DPF3: variants seen among roughly 807,000 people sequenced by gnomAD.
DPF3 encodes the protein zinc finger protein DPF3.
In DPF3, 18 loss-of-function variants were observed where a neutral mutation model predicts 56.8. That is an observed-to-expected ratio of 0.32 (90% CI 0.22 to 0.47). The LOEUF (loss-of-function observed/expected upper bound fraction) is 0.47. Ranked by LOEUF, DPF3 falls within the 20% of genes least tolerant of loss-of-function variation. The pLI, the probability that DPF3 is intolerant of heterozygous loss-of-function variation, is 1.00. For synonymous variants in DPF3, 188 were observed against 180.2 expected (o/e 1.04, Z -0.35); for missense variants, 403 against 488.8 (o/e 0.82, Z 1.65).
intron 6 of DPF3, among the ~76,000 whole-genome samples, chr14:72,694,212 C>T (rs1383409129): frequency 1.3e-5 from 2 of 152,192 alleles, no homozygotes; most frequent in Non-Finnish European, 2.9e-5. Context: ...CCTAGGGGGA[C>T]GGCATTGCTG....
rs1161492094 is a variant in DPF3, at chr14:72,893,010, AGGAAGGAAGGAAGGAT to A, written c.32+1031_32+1046del. Among the ~76,000 whole-genome samples, 304 of 115,460 alleles carry A rather than the reference AGGAAGGAAGGAAGGAT, an allele frequency of 2.6e-3. 6 individuals carry two copies. The highest frequency in any genetic ancestry group is 4.5e-3 in the Non-Finnish European group (239 of 53,402). 75.7% of individuals were successfully genotyped at this position (115,460 alleles called of 152,430 possible). A position where few individuals can be genotyped will look rare whatever the true frequency, so the allele number is the denominator to read the frequency against. On this transcript the variant is annotated intron_variant, in intron 1 of 10. Transcript: ENST00000556509. ...AAGGAAGGAAGGAAGGAAGGAAGGA[AGGAAGGAAGGAAGGAT>A]GAAAAGGAGGAGGAAGGCAGGCAGG...
At position 72,789,606 on chromosome 14, in the gene DPF3, T is replaced by C. The variant is rs562724472; in HGVS notation, c.33-17713A>G. Among the ~76,000 whole-genome samples the C allele has an allele frequency of 2.0e-5, 3 of 152,330 alleles. No homozygotes were observed. In the South Asian group the frequency reaches 6.2e-4, roughly 32 times the overall value. On this transcript the variant is annotated intron_variant, in intron 1 of 10. Coordinates refer to ENST00000556509, the MANE Select transcript of DPF3 (RefSeq NM_001280542.3). ...TCAGGAGTGCAGTGGCATGGCTCAC[T>C]GCAGCCTCGATCTTCAGAGCTCAAG...
intron 1 of DPF3, among the ~76,000 whole-genome samples, chr14:72,890,819 T>C (rs1886722406): frequency 6.6e-6 from 1 of 152,174 alleles, no homozygotes; most frequent in Admixed American, 6.5e-5. Flanking sequence ...CCGTGTCCCC[T>C]TTGTGATCTG....
chr14:72,809,019 A>G (rs1019582875), intron 1 of DPF3, among the ~76,000 whole-genome samples: 6 of 152,192 alleles, frequency 3.9e-5, no homozygotes, highest in Non-Finnish European at 7.3e-5. Flanking sequence ...TCATACTCTC[A>G]TAAGACTGGA....
intron 1 of DPF3, among the ~76,000 whole-genome samples, chr14:72,781,150 A>C (rs1411585434): frequency 6.6e-6 from 1 of 152,232 alleles, no homozygotes; most frequent in Non-Finnish European, 1.5e-5. Context: ...CAGTTAGCAG[A>C]CTTTGTTTCA....
intron 5 of DPF3, among the ~76,000 whole-genome samples, chr14:72,720,228 C>A (rs1298516941): frequency 2.6e-5 from 4 of 152,098 alleles, no homozygotes; most frequent in South Asian, 2.1e-4. Context: ...TATGGTGGCT[C>A]ATGCCTGTAA....
At chr14:72,686,727 G>A (rs2153572238) in intron 7 of DPF3, among the ~76,000 whole-genome samples, 2 of 152,358 alleles carry the variant, frequency 1.3e-5, no homozygotes, top group South Asian at 2.1e-4. Flanking sequence ...TGAGAAGGAA[G>A]AAGCAGCCCA....
intron 1 of DPF3, among the ~76,000 whole-genome samples, chr14:72,885,310 T>C (rs1248959173): frequency 6.6e-6 from 1 of 151,962 alleles, no homozygotes; most frequent in African/African-American, 2.4e-5. Flanking sequence ...TTTTTGTTTG[T>C]TTAGTTTATA....
intron 1 of DPF3, among the ~76,000 whole-genome samples, chr14:72,783,536 G>A (rs890307358): frequency 6.6e-6 from 1 of 152,164 alleles, no homozygotes; most frequent in East Asian, 1.9e-4. Flanking sequence ...CCTGATTCCT[G>A]GCCCTTTCTG....
intron 8 of DPF3, among the ~76,000 whole-genome samples, chr14:72,666,285 C>A (rs950459398): frequency 2.0e-5 from 3 of 152,234 alleles, no homozygotes; most frequent in African/African-American, 7.2e-5. Flanking sequence ...AGGACTTAGA[C>A]ATTGCTACTT....
intron 1 of DPF3, among the ~76,000 whole-genome samples, chr14:72,804,229 A>ACG (rs1893001656): frequency 6.6e-6 from 1 of 150,834 alleles, no homozygotes; most frequent in South Asian, 2.1e-4. Flanking sequence ...ACACACGCAG[A>ACG]CAAAGATTCC....
intron 6 of DPF3, among the ~76,000 whole-genome samples, chr14:72,712,752 A>G (rs1288580381): frequency 1.3e-5 from 2 of 152,292 alleles, no homozygotes; most frequent in East Asian, 3.9e-4. Context: ...CTGTAGTCCT[A>G]GCTACTGCGT....
intron 8 of DPF3, among the ~76,000 whole-genome samples, chr14:72,672,286 C>G (rs1886723163): frequency 6.6e-6 from 1 of 152,150 alleles, no homozygotes; most frequent in Non-Finnish European, 1.5e-5. Flanking sequence ...AATGATACAT[C>G]CCTCATGGTG....
rs61994458 is a variant in DPF3, at chr14:72,717,613, C to T, written c.526-3112G>A. 5.1e-3 allele frequency among the ~76,000 whole-genome samples: 784 copies of T among 152,324 alleles called. 2 individuals are homozygous for T. The highest frequency in any genetic ancestry group is 8.8e-3 in the Admixed American group (134 of 15,310). On this transcript the variant is annotated intron_variant, in intron 5 of 10. Coordinates refer to ENST00000556509, the MANE Select transcript of DPF3 (RefSeq NM_001280542.3). ...GCATTCTATACTTTATTATGACCCC[C>T]TAACACTTAGCACATAGCGTGCAAA...
rs71448401 is a variant in DPF3, at chr14:72,719,069, C to CTTT, written c.525+4561_525+4563dup. Among the ~76,000 whole-genome samples, 479 of 100,692 alleles carry CTTT rather than the reference C, an allele frequency of 4.8e-3. 14 individuals carry two copies. The highest frequency in any genetic ancestry group is 0.018 in the African/African-American group (459 of 26,150). The allele number at this position is 100,692 out of a possible 152,430, so 66.1% of individuals were successfully genotyped here. A position where few individuals can be genotyped will look rare whatever the true frequency, so the allele number is the denominator to read the frequency against. On this transcript the variant is annotated intron_variant, in intron 5 of 10. Transcript: ENST00000556509. ...ACAGGTGTGAGCCACCGTGCCAGGC[C>CTTT]TTTTTTTTTTTTTTTTTTGAGATGG...
At chr14:72,660,222 C>T (rs1383228340) in intron 8 of DPF3, among the ~76,000 whole-genome samples, 2 of 150,390 alleles carry the variant, frequency 1.3e-5, no homozygotes, top group Non-Finnish European at 3.0e-5. Context: ...TATTTCATCA[C>T]AATAAAAAGG....
At chr14:72,645,774 C>T (rs188332243) in intron 8 of DPF3, among the ~76,000 whole-genome samples, 56 of 152,232 alleles carry the variant, frequency 3.7e-4, no homozygotes, top group Admixed American at 1.8e-3. Context: ...CCACATCCCA[C>T]ACCCTCAACG....
At chr14:72,721,508 C>T (rs1889172597) in intron 5 of DPF3, among the ~76,000 whole-genome samples, 3 of 152,178 alleles carry the variant, frequency 2.0e-5, no homozygotes, top group Non-Finnish European at 2.9e-5. Context: ...ATACCCTCCC[C>T]TCCGTGAATG....
At chr14:72,828,453 G>A (rs1262489749) in intron 1 of DPF3, among the ~76,000 whole-genome samples, 2 of 150,056 alleles carry the variant, frequency 1.3e-5, no homozygotes, top group African/African-American at 2.5e-5. Flanking sequence ...CAAGAGGATC[G>A]CTTGAGCCTG....
Sources: gnomAD v4.1 joint callset for allele counts (sites outside exome capture counted in the v4.1 genomes callset) on GRCh38, gnomAD v4.1.1 for gene constraint, MANE v1.5 for transcripts, NCBI Gene and HGNC (gene_info 2026-07-23, HGNC 2026-07-21) for gene names.